The following AASS variants were observed in gnomAD, a reference collection of about 807,000 sequenced individuals.
AASS encodes the protein aminoadipate-semialdehyde synthase.
AASS carries 86 observed loss-of-function variants against 105.4 expected under a neutral mutation model. The ratio of observed to expected loss-of-function variants is 0.82; its 90% CI spans 0.69 to 0.98. AASS has a LOEUF of 0.98. Among genes scored for constraint, AASS ranks in the 50% least tolerant of loss-of-function variants. AASS has a pLI of 0.00. For missense variants in AASS, 1,048 were observed against 1,143.2 expected, an observed-to-expected ratio of 0.92 and a Z score of 1.20; for synonymous variants, 381 against 394.8, an observed-to-expected ratio of 0.96 and a Z score of 0.41.
rs1232744988 is a variant in AASS at position 122,101,293 on chromosome 7, A to G, written c.1406+78T>C. ...TACAAACCTAATATTAAGAACTCCC[A>G]TTGAAGCATTAAAAAATACTCATGA... On this transcript the variant is annotated intron_variant, in intron 13 of 23. Coordinates refer to ENST00000417368, the MANE Select transcript of AASS (RefSeq NM_005763.4). The G allele has an allele frequency of 2.6e-6, 3 of 1,145,740 alleles. No individual in the cohort carries two copies. The East Asian group carries it at 7.1e-5, about 27-fold the overall frequency. The allele number at this position is 1,145,740 out of a possible 1,614,324, so 71.0% of individuals were successfully genotyped here. A position where few individuals can be genotyped will look rare whatever the true frequency, so the allele number is the denominator to read the frequency against.
At chr7:122,099,826 A>G (rs1227451159) in intron 13 of AASS, among the ~76,000 whole-genome samples, 1 of 151,962 alleles carries the variant, frequency 6.6e-6, no homozygotes, top group East Asian at 1.9e-4. Context: ...GTATCCCAAC[A>G]CACATATTAC....
intron 15 of AASS, among the ~76,000 whole-genome samples, chr7:122,096,261 T>G (rs1391855677): frequency 1.3e-5 from 2 of 152,178 alleles, no homozygotes; most frequent in African/African-American, 4.8e-5. Context: ...ACATTTTTTG[T>G]GAAACATATT....
chr7:122,082,425 T>C (rs1003448396), intron 19 of AASS, among the ~76,000 whole-genome samples: 2 of 152,166 alleles, frequency 1.3e-5, no homozygotes, highest in Non-Finnish European at 2.9e-5. Context: ...AGACCCAGTT[T>C]AGCACCTCTT....
chr7:122,120,133 T>C (rs987183483), intron 4 of AASS, among the ~76,000 whole-genome samples: 1 of 152,238 alleles, frequency 6.6e-6, no homozygotes, highest in African/African-American at 2.4e-5. Flanking sequence ...TCTATTTCAG[T>C]TGATTTCTCT....
In AASS at chr7:122,115,118, C is replaced by A. The variant is rs1302275173; in HGVS notation, c.999G>T (p.Lys333Asn). The change falls in exon 9 of 24, where the codon AAG becomes AAT. Residue 333 changes from lysine to asparagine, a missense_variant. Physicochemically the swap from Lys to Asn is moderately conservative, Grantham distance 94 (BLOSUM62 0). Coordinates refer to ENST00000417368, the MANE Select transcript of AASS (RefSeq NM_005763.4). ...AGCCTTCCACACCAGCAGGTGAGAA[C>A]TTGCCCGGAGCCAGGAGACTCTGAG... ...QDAQSLLAPG[K>N]FSPAGVEGCP... 6.2e-7 allele frequency: 1 copy of A among 1,614,034 alleles called. No homozygotes were observed. Among genetic ancestry groups the A allele is most frequent in the Admixed American group, 1.7e-5 (1 of 59,996 alleles).
At chr7:122,100,307 G>A (rs188019779) in intron 13 of AASS, among the ~76,000 whole-genome samples, 3 of 151,864 alleles carry the variant, frequency 2.0e-5, no homozygotes, top group South Asian at 2.1e-4. Flanking sequence ...AAAGACCATC[G>A]GATGATGAGA....
chr7:122,143,440 A>G (rs1796492478), intron 1 of AASS, among the ~76,000 whole-genome samples: 1 of 149,466 alleles, frequency 6.7e-6, no homozygotes, highest in Admixed American at 6.7e-5. Context: ...GCCCCATTCA[A>G]CCGAGGAGGG....
At position 122,075,533 on chromosome 7, in the gene AASS, T is replaced by G. The variant is rs1349048916; in HGVS notation, c.*956A>C. The G allele has an allele frequency of 6.6e-6, 1 of 152,256 alleles. No homozygotes were observed. The highest frequency in any genetic ancestry group is 2.4e-5 in the African/African-American group (1 of 41,462). 9.4% of individuals were successfully genotyped at this position (152,256 alleles called of 1,614,324 possible). A position where few individuals can be genotyped will look rare whatever the true frequency, so the allele number is the denominator to read the frequency against. On this transcript the variant is annotated 3_prime_UTR_variant, in exon 24 of 24. Transcript: ENST00000417368. ...TCTCAGGGGGAAATAATCCAGTCCTTCACCATTAAGTATGATGCTAACCAT... is the reference window on the plus strand; with the variant it reads ...TCTCAGGGGGAAATAATCCAGTCCTGCACCATTAAGTATGATGCTAACCAT...
At position 122,076,388 on chromosome 7, in the gene AASS, T is replaced by C; in HGVS notation, c.*101A>G. The stretch of plus-strand genomic sequence containing the variant: ...GTACATTGTGTTAACCAAAACATAT[T>C]ATGCTTTATACTTTAAAACAGCACA... On this transcript the variant is annotated 3_prime_UTR_variant, in exon 24 of 24. Coordinates refer to ENST00000417368, the MANE Select transcript of AASS (RefSeq NM_005763.4). 1 of 823,242 alleles carries C rather than the reference T, an allele frequency of 1.2e-6. No homozygotes were observed. Among genetic ancestry groups the C allele is most frequent in the Non-Finnish European group, 2.1e-6 (1 of 468,456 alleles). The allele number at this position is 823,242 out of a possible 1,614,324, so 51.0% of individuals were successfully genotyped here.
intron 1 of AASS, among the ~76,000 whole-genome samples, chr7:122,139,683 CA>C (rs2150558853): frequency 6.6e-6 from 1 of 152,280 alleles, no homozygotes; most frequent in Non-Finnish European, 1.5e-5. Flanking sequence ...TTTGGCCAAG[CA>C]CAGTGGCTTA....
chr7:122,118,544 C>G lies in AASS; in HGVS notation c.540+19G>C. 1 of 1,613,936 alleles carries G rather than the reference C, an allele frequency of 6.2e-7. No individual in the cohort carries two copies. Among genetic ancestry groups the G allele is most frequent in the Non-Finnish European group, 8.5e-7 (1 of 1,179,952 alleles). On this transcript the variant is annotated intron_variant, in intron 5 of 23. Transcript: ENST00000417368. Reference sequence around the variant, plus strand: ...TGAGATGTGTTTTCAAAAAAATTAGCAAAATAAACATCTCTTACCATAAAA... The same window carrying G: ...TGAGATGTGTTTTCAAAAAAATTAGGAAAATAAACATCTCTTACCATAAAA...
chr7:122,098,302 A>C (rs1794261398), intron 15 of AASS, 148 bp downstream of exon 15: 1 of 756,444 alleles, frequency 1.3e-6, no homozygotes, highest in African/African-American at 1.8e-5. Context: ...TGAGCTATAT[A>C]CTTATGATTT....
intron 10 of AASS, 92 bp downstream of exon 10, chr7:122,113,506 A>G: frequency 1.3e-6 from 2 of 1,528,002 alleles, no homozygotes; most frequent in Non-Finnish European, 1.8e-6. Context: ...AATTTTCATA[A>G]CTTCATAAAG....
intron 3 of AASS, 64 bp from the exon 4 acceptor site, chr7:122,126,523 T>C: frequency 7.7e-7 from 1 of 1,295,594 alleles, no homozygotes; most frequent in Non-Finnish European, 1.1e-6. Context: ...AGTAAAGACA[T>C]ATATGAGCAA....
At chr7:122,092,307 T>C (rs976820034) in intron 17 of AASS, among the ~76,000 whole-genome samples, 6 of 152,128 alleles carry the variant, frequency 3.9e-5, no homozygotes, top group African/African-American at 1.4e-4. Flanking sequence ...CAAAGATTCT[T>C]CTTACTTTTA....
At chr7:122,116,828 A>G (rs774232817) in intron 7 of AASS, 51 bp downstream of exon 7, 3 of 1,611,178 alleles carry the variant, frequency 1.9e-6, no homozygotes, top group Non-Finnish European at 2.5e-6. Flanking sequence ...ATAAAATATT[A>G]TAACATAGAC....
chr7:122,079,593 C>T lies in AASS; in HGVS notation c.2396+4G>A, dbSNP rs1793212740. On this transcript the variant is annotated splice_donor_region_variant and intron_variant, in intron 21 of 23. Transcript: ENST00000417368. The stretch of plus-strand genomic sequence containing the variant: ...TTGCTCTAAGTTGAGTGGTGGGTGC[C>T]TACCATTCAGCAGCCTCCAACTGGG... 6.2e-7 allele frequency: 1 copy of T among 1,601,044 alleles called. No homozygotes were observed.
chr7:122,077,175 T>C (rs1793061129), intron 23 of AASS, among the ~76,000 whole-genome samples: 1 of 152,182 alleles, frequency 6.6e-6, no homozygotes, highest in Admixed American at 6.5e-5. Flanking sequence ...TTTTTCATTA[T>C]TTCACATTTA....
intron 1 of AASS, among the ~76,000 whole-genome samples, chr7:122,139,572 C>A (rs1281712748): frequency 6.6e-6 from 1 of 152,080 alleles, no homozygotes; most frequent in Non-Finnish European, 1.5e-5. Flanking sequence ...ATGGATGTCA[C>A]AGTAAGTCTG....
Sources: allele counts gnomAD v4.1 joint callset (sites outside exome capture counted in the v4.1 genomes callset), GRCh38; gene constraint gnomAD v4.1.1; transcripts MANE v1.5; gene names NCBI Gene and HGNC (gene_info 2026-07-23, HGNC 2026-07-21).